The following EIF2AK2 variants were observed in gnomAD, a reference collection of about 807,000 sequenced individuals.
The protein encoded by EIF2AK2 is interferon-induced, double-stranded RNA-activated protein kinase.
A neutral mutation model predicts 70.5 loss-of-function variants in EIF2AK2; 40 were observed. The ratio of observed to expected loss-of-function variants is 0.57; its 90% CI spans 0.44 to 0.74. EIF2AK2 has a LOEUF of 0.74. EIF2AK2 is among the 30% of genes least tolerant of loss of function. The probability of loss-of-function intolerance (pLI) is 0.00; values close to 1 mark genes in which losing one functional copy is unlikely to be tolerated. For synonymous variants in EIF2AK2, 198 were observed against 220.9 expected, an observed-to-expected ratio of 0.90 and a Z score of 0.92; for missense variants, 555 against 644.3, an observed-to-expected ratio of 0.86 and a Z score of 1.50.
intron 6 of EIF2AK2, among the ~76,000 whole-genome samples, chr2:37,139,294 A>C (rs1675240259): frequency 6.7e-6 from 1 of 150,372 alleles, no homozygotes; most frequent in Non-Finnish European, 1.5e-5. Context: ...TAGCCTGGGC[A>C]ACAGAGCGAG....
At chr2:37,118,296 A>G (rs1297005389) in intron 13 of EIF2AK2, among the ~76,000 whole-genome samples, 1 of 152,202 alleles carries the variant, frequency 6.6e-6, no homozygotes, top group Admixed American at 6.5e-5. Flanking sequence ...CCTGGGCAAA[A>G]GAGCAAGACC....
chr2:37,107,137 A>G lies in EIF2AK2; in HGVS notation c.*136T>C. 1.8e-6 allele frequency: 2 copies of G among 1,113,640 alleles called. No homozygotes were observed. Among genetic ancestry groups the G allele is most frequent in the Non-Finnish European group, 2.4e-6 (2 of 835,850 alleles). The allele number at this position is 1,113,640 out of a possible 1,614,324, so 69.0% of individuals were successfully genotyped here. ...GAAGAAAACCTTTCTGTTTCTGCAG[A>G]AAGATTAGTAAAAATAGTAAAAAAT... is the stretch of plus-strand genomic sequence containing the variant. On this transcript the variant is annotated 3_prime_UTR_variant, in exon 17 of 17. Transcript: ENST00000233057.
rs927659795 is a variant in EIF2AK2, at chr2:37,104,440, C to G, written c.*2833G>C. Reference sequence around the variant, plus strand: ...GCTCAAGTGATCCTCCCACCTCACCCCCCCAAGTAGCTGGGACCACAGATG... The same window carrying G: ...GCTCAAGTGATCCTCCCACCTCACCGCCCCAAGTAGCTGGGACCACAGATG... On this transcript the variant is annotated 3_prime_UTR_variant, in exon 17 of 17. Coordinates refer to ENST00000233057, the MANE Select transcript of EIF2AK2 (RefSeq NM_001135651.3). The G allele has an allele frequency of 6.6e-6, 1 of 152,028 alleles. No individual in the cohort carries two copies. The highest frequency in any genetic ancestry group is 1.5e-5 in the Non-Finnish European group (1 of 68,062). The allele number at this position is 152,028 out of a possible 1,614,324, so 9.4% of individuals were successfully genotyped here. A position where few individuals can be genotyped will look rare whatever the true frequency, so the allele number is the denominator to read the frequency against.
chr2:37,128,345 T>A (rs1355455644), intron 10 of EIF2AK2, among the ~76,000 whole-genome samples: 1 of 152,198 alleles, frequency 6.6e-6, no homozygotes, highest in Non-Finnish European at 1.5e-5. Context: ...AGAAAACAGA[T>A]ACAAGTGGAT....
At chr2:37,123,844 T>A (rs888115871) in intron 11 of EIF2AK2, among the ~76,000 whole-genome samples, 1 of 152,160 alleles carries the variant, frequency 6.6e-6, no homozygotes, top group Non-Finnish European at 1.5e-5. Context: ...ATTTCAAAGA[T>A]GAGGAAGAAT....
chr2:37,132,214 C>G (rs1348767222), intron 10 of EIF2AK2, among the ~76,000 whole-genome samples: 1 of 152,128 alleles, frequency 6.6e-6, no homozygotes, highest in Non-Finnish European at 1.5e-5. Context: ...TCCCAAACAC[C>G]AAATACAACA....
chr2:37,150,875 T>C (rs1276515982), intron 1 of EIF2AK2, among the ~76,000 whole-genome samples: 1 of 152,218 alleles, frequency 6.6e-6, no homozygotes, highest in Non-Finnish European at 1.5e-5. Context: ...ATTTAACCAC[T>C]GAGTAAATTA....
intron 11 of EIF2AK2, among the ~76,000 whole-genome samples, 175 bp from the exon 12 acceptor site, chr2:37,122,839 A>G (rs986779132): frequency 6.6e-6 from 1 of 151,980 alleles, no homozygotes; most frequent in Non-Finnish European, 1.5e-5. Context: ...GAACATACTG[A>G]AAAAAAACAT....
chr2:37,148,641 T>C (rs1675639545), intron 2 of EIF2AK2: 1 of 836,026 alleles, frequency 1.2e-6, no homozygotes, highest in Non-Finnish European at 2.1e-6. Context: ...TCAAATGACA[T>C]GCTTTTACTT....
rs146822397 is a variant in EIF2AK2, at chr2:37,134,019, C to A, written c.785+1465G>T. 4.7e-4 allele frequency among the ~76,000 whole-genome samples: 71 copies of A among 152,334 alleles called. No individual in the cohort carries two copies. The East Asian group carries it at 0.013, about 27-fold the overall frequency. On this transcript the variant is annotated intron_variant, in intron 10 of 16. Transcript: ENST00000233057. ...CTTACACAACCCCTCTTGCTGCAAG[C>A]TAACTCTTCCTTTGCTCCAGAATGC...
intron 10 of EIF2AK2, among the ~76,000 whole-genome samples, chr2:37,129,094 C>A (rs1411293286): frequency 6.6e-6 from 1 of 151,968 alleles, no homozygotes; most frequent in Non-Finnish European, 1.5e-5. Context: ...TAGAGGAGGG[C>A]CCCCAGACAT....
rs149234800 is a variant in EIF2AK2, at chr2:37,127,132, G to C, written c.786-721C>G. Among the ~76,000 whole-genome samples the C allele has an allele frequency of 2.5e-4, 38 of 152,044 alleles. 1 individual carries two copies. The highest frequency in any genetic ancestry group is 9.2e-4 in the African/African-American group (38 of 41,390). ...CTAAGCCTGCCTAGGTTTCTACTTGGTTTTCTCTTCTCCCTCAAGCTTCGT... is the reference window on the plus strand; with the variant it reads ...CTAAGCCTGCCTAGGTTTCTACTTGCTTTTCTCTTCTCCCTCAAGCTTCGT... On this transcript the variant is annotated intron_variant, in intron 10 of 16. Transcript: ENST00000233057.
At chr2:37,117,499 T>G (rs969842063) in intron 13 of EIF2AK2, among the ~76,000 whole-genome samples, 2 of 152,116 alleles carry the variant, frequency 1.3e-5, no homozygotes, top group African/African-American at 4.8e-5. Flanking sequence ...ATCATACAAC[T>G]GCACTCCAGC....
chr2:37,126,967 G>GAAAAAAAAAAAAAA (rs57802509), intron 10 of EIF2AK2, among the ~76,000 whole-genome samples: 6 of 52,156 alleles, frequency 1.2e-4, no homozygotes, highest in African/African-American at 1.5e-4. Context: ...CAAAAAAACA[G>GAAAAAAAAAAAAAA]AAAAAAAAAA....
intron 2 of EIF2AK2, among the ~76,000 whole-genome samples, chr2:37,148,182 A>G (rs1235962146): frequency 6.6e-6 from 1 of 152,120 alleles, no homozygotes; most frequent in Non-Finnish European, 1.5e-5. Flanking sequence ...AAATAAAGGA[A>G]AGAAAAAAAA....
intron 1 of EIF2AK2, chr2:37,149,410 C>T: frequency 2.0e-6 from 1 of 495,676 alleles, no homozygotes; most frequent in Non-Finnish European, 3.6e-6. Flanking sequence ...ATTTTAAAAG[C>T]ACCTCAATGT....
intron 4 of EIF2AK2, among the ~76,000 whole-genome samples, chr2:37,145,671 A>C (rs556411451): frequency 6.6e-6 from 1 of 150,902 alleles, no homozygotes; most frequent in South Asian, 2.1e-4. Context: ...TGACAAACTC[A>C]GGGCAACTTC....
At chr2:37,137,838 C>T (rs545713903) in intron 8 of EIF2AK2, among the ~76,000 whole-genome samples, 1 of 152,132 alleles carries the variant, frequency 6.6e-6, no homozygotes, top group Non-Finnish European at 1.5e-5. Context: ...CCGAGCCGGG[C>T]GCGGTGGCTC....
In EIF2AK2 at chr2:37,103,824, G is replaced by A. The variant is rs1365565336; in HGVS notation, c.*3449C>T. Reference sequence around the variant, plus strand: ...ATCATGACACACTTGGCCTCTAAATGTTTGTGCATGCATTGCCTAAAAAAA... The same window carrying A: ...ATCATGACACACTTGGCCTCTAAATATTTGTGCATGCATTGCCTAAAAAAA... On this transcript the variant is annotated 3_prime_UTR_variant, in exon 17 of 17. Coordinates refer to ENST00000233057, the MANE Select transcript of EIF2AK2 (RefSeq NM_001135651.3). The A allele has an allele frequency of 6.6e-6, 1 of 152,166 alleles. No homozygotes were observed. The highest frequency in any genetic ancestry group is 1.9e-4 in the East Asian group (1 of 5,202). The allele number at this position is 152,166 out of a possible 1,614,324, so 9.4% of individuals were successfully genotyped here. A position where few individuals can be genotyped will look rare whatever the true frequency, so the allele number is the denominator to read the frequency against.
Sources: gnomAD v4.1 joint callset for allele counts (sites outside exome capture counted in the v4.1 genomes callset) on GRCh38, gnomAD v4.1.1 for gene constraint, MANE v1.5 for transcripts, NCBI Gene and HGNC (gene_info 2026-07-23, HGNC 2026-07-21) for gene names.